The following ST7L variants were observed in gnomAD, a reference collection of about 807,000 sequenced individuals.
The protein encoded by ST7L is suppression of tumorigenicity 7 like.
A neutral mutation model predicts 72.5 loss-of-function variants in ST7L; 57 were observed. The observed-to-expected ratio is 0.79, with a 90% CI of 0.64 to 0.98. The LOEUF (loss-of-function observed/expected upper bound fraction) is 0.98, where lower values mean the gene tolerates loss of function less well. Ranked by LOEUF, ST7L falls within the 50% of genes least tolerant of loss-of-function variation. The pLI is 0.00. For missense variants in ST7L, 576 were observed against 672.2 expected, an observed-to-expected ratio of 0.86 and a Z score of 1.58; for synonymous variants, 221 against 240.9, an observed-to-expected ratio of 0.92 and a Z score of 0.77.
intron 14 of ST7L, 61 bp downstream of exon 14, chr1:112,541,890 C>G (rs373245406): frequency 6.3e-7 from 1 of 1,592,586 alleles, no homozygotes; most frequent in African/African-American, 1.4e-5. Flanking sequence ...ACAGGCAGAT[C>G]AGAGATGGTT....
At chr1:112,549,940 T>C (rs1657832282) in intron 13 of ST7L, among the ~76,000 whole-genome samples, 1 of 152,210 alleles carries the variant, frequency 6.6e-6, no homozygotes, top group Non-Finnish European at 1.5e-5. Flanking sequence ...AGGGATTTTT[T>C]TTAAATCAGG....
chr1:112,619,419 G>A, upstream of ST7L: 4 of 547,136 alleles, frequency 7.3e-6, no homozygotes, highest in South Asian at 1.0e-4. Context: ...CCCCCCCCCG[G>A]GGTTGGAAAA....
chr1:112,535,798 T>C (rs1655114535), intron 14 of ST7L, among the ~76,000 whole-genome samples: 1 of 151,832 alleles, frequency 6.6e-6, no homozygotes, highest in South Asian at 2.1e-4. Context: ...GCTTAGAAAA[T>C]CTGGATGAAT....
chr1:112,591,251 A>G (rs1410179735), intron 6 of ST7L, among the ~76,000 whole-genome samples: 2 of 152,102 alleles, frequency 1.3e-5, no homozygotes, highest in African/African-American at 2.4e-5. Context: ...GTACCCTTTT[A>G]ACTATAAAGT....
At chr1:112,591,011 A>T (rs928552080) in intron 6 of ST7L, among the ~76,000 whole-genome samples, 1 of 150,870 alleles carries the variant, frequency 6.6e-6, no homozygotes, top group African/African-American at 2.4e-5. Context: ...GCTCACTACA[A>T]ACTCCACCTC....
At chr1:112,582,893 AAAAC>A (rs1664340938) in intron 7 of ST7L, among the ~76,000 whole-genome samples, 1 of 152,198 alleles carries the variant, frequency 6.6e-6, no homozygotes, top group African/African-American at 2.4e-5. Flanking sequence ...TTTTAAATGA[AAAAC>A]AAAAAATGTC....
At chr1:112,527,776 T>C (rs995317242) in intron 14 of ST7L, 2 of 152,270 alleles carry the variant, frequency 1.3e-5, no homozygotes. Flanking sequence ...TCCTTCCCAA[T>C]TGTAGGGATC....
At chr1:112,573,033 A>G (rs994650314) in intron 11 of ST7L, among the ~76,000 whole-genome samples, 8 of 152,204 alleles carry the variant, frequency 5.3e-5, no homozygotes, top group African/African-American at 1.7e-4. Flanking sequence ...ATCAAGAAAA[A>G]TAAAACTAGC....
downstream of ST7L, chr1:112,520,664 G>C: frequency 1.3e-6 from 1 of 790,478 alleles, no homozygotes; most frequent in Non-Finnish European, 2.0e-6. Flanking sequence ...TGGTGTCCTG[G>C]CTGGTTCCTT....
At chr1:112,565,837 A>C (rs1260470717) in intron 11 of ST7L, among the ~76,000 whole-genome samples, 1 of 152,042 alleles carries the variant, frequency 6.6e-6, no homozygotes, top group Admixed American at 6.6e-5. Flanking sequence ...GACAAATGGC[A>C]AAACCCCATC....
At chr1:112,550,767 A>G in intron 12 of ST7L, 74 bp from the exon 13 acceptor site, 2 of 1,243,106 alleles carry the variant, frequency 1.6e-6, no homozygotes, top group East Asian at 4.8e-5. Context: ...ACAAATTTAT[A>G]TAGAAATTTC....
At chr1:112,575,940 T>G (rs1158799819) in intron 11 of ST7L, among the ~76,000 whole-genome samples, 1 of 152,216 alleles carries the variant, frequency 6.6e-6, no homozygotes, top group African/African-American at 2.4e-5. Context: ...GGAAATTATC[T>G]TTTAGCAATT....
intron 11 of ST7L, among the ~76,000 whole-genome samples, chr1:112,567,485 CTCTTA>C (rs1320090054): frequency 5.9e-5 from 9 of 152,114 alleles, no homozygotes; most frequent in Non-Finnish European, 1.2e-4. Context: ...TAATTGTCTT[CTCTTA>C]TAATTGCCTT....
intron 11 of ST7L, among the ~76,000 whole-genome samples, chr1:112,560,737 A>G (rs1659975026): frequency 6.6e-6 from 1 of 152,004 alleles, no homozygotes; most frequent in Non-Finnish European, 1.5e-5. Flanking sequence ...TGAGACGGGC[A>G]GATCACCTGA....
At chr1:112,560,836 G>A (rs1465033100) in intron 11 of ST7L, among the ~76,000 whole-genome samples, 1 of 151,932 alleles carries the variant, frequency 6.6e-6, no homozygotes, top group Admixed American at 6.6e-5. Context: ...GGTGGTGGGT[G>A]CCTGTAATCC....
chr1:112,560,631 C>T (rs890697351), intron 11 of ST7L, among the ~76,000 whole-genome samples: 1 of 152,108 alleles, frequency 6.6e-6, no homozygotes, highest in African/African-American at 2.4e-5. Context: ...TAAAATTCTA[C>T]TACCATGCCT....
chr1:112,581,114 C>A (rs569415537), intron 9 of ST7L, among the ~76,000 whole-genome samples: 137 of 152,290 alleles, frequency 9.0e-4, no homozygotes, highest in African/African-American at 3.1e-3. Context: ...TGTCCCACAA[C>A]ATCATAAGAC....
chr1:112,544,816 G>C (rs2101456664), intron 13 of ST7L, among the ~76,000 whole-genome samples: 1 of 152,300 alleles, frequency 6.6e-6, no homozygotes, highest in East Asian at 1.9e-4. Flanking sequence ...TACTGTAAGA[G>C]AGACCTAATT....
intron 13 of ST7L, among the ~76,000 whole-genome samples, chr1:112,545,875 T>C (rs1656954764): frequency 6.6e-6 from 1 of 152,234 alleles, no homozygotes; most frequent in Non-Finnish European, 1.5e-5. Flanking sequence ...TAGAAAATAA[T>C]GACTCCCAAT....
Sources: allele counts gnomAD v4.1 joint callset (sites outside exome capture counted in the v4.1 genomes callset), GRCh38; gene constraint gnomAD v4.1.1; transcripts MANE v1.5; gene names NCBI Gene and HGNC (gene_info 2026-07-23, HGNC 2026-07-21).